Variants in ELOVL7 observed in about 807,000 individuals in gnomAD.
The protein encoded by ELOVL7 is very long chain fatty acid elongase 7.
ELOVL7 carries 27 observed loss-of-function variants against 35.7 expected under a neutral mutation model. The observed-to-expected ratio is 0.76, with a 90% CI of 0.56 to 1.04. The LOEUF is 1.04. Ranked by LOEUF, ELOVL7 falls within the 50% of genes least tolerant of loss-of-function variation. The pLI is 0.00. For synonymous variants in ELOVL7, 113 were observed against 114.6 expected, an observed-to-expected ratio of 0.99 and a Z score of 0.09; for missense variants, 327 against 340.8, an observed-to-expected ratio of 0.96 and a Z score of 0.32.
In ELOVL7 at chr5:60,843,626, G is replaced by A. The variant is rs1378005144; in HGVS notation, c.-86+534C>T. 3 of 152,408 alleles carry A rather than the reference G, an allele frequency of 2.0e-5. No individual in the cohort carries two copies. In the East Asian group the frequency reaches 5.8e-4, roughly 29 times the overall value. 9.4% of individuals were successfully genotyped at this position (152,408 alleles called of 1,614,324 possible). ...GGGGAAGGAAGGAAACAGAAAGAAA[G>A]GGGCTCCGGAATTTGGGGGGGTGGC... On this transcript the variant is annotated intron_variant, in intron 1 of 8. Coordinates refer to ENST00000508821, the MANE Select transcript of ELOVL7 (RefSeq NM_024930.3).
chr5:60,833,956 AC>A (rs899195893), intron 1 of ELOVL7, among the ~76,000 whole-genome samples: 14 of 152,168 alleles, frequency 9.2e-5, no homozygotes, highest in Admixed American at 6.5e-4. Context: ...GAATAACTAT[AC>A]TTTTATAATT....
At chr5:60,785,446 T>C (rs1743518747) in intron 3 of ELOVL7, among the ~76,000 whole-genome samples, 1 of 152,196 alleles carries the variant, frequency 6.6e-6, no homozygotes, top group African/African-American at 2.4e-5. Flanking sequence ...AGCTCTTGAG[T>C]TAGCATATTG....
At chr5:60,760,494 T>C (rs966418964) in intron 7 of ELOVL7, among the ~76,000 whole-genome samples, 39 of 152,342 alleles carry the variant, frequency 2.6e-4, no homozygotes, top group African/African-American at 8.4e-4. Context: ...TTGTTTGTTT[T>C]CTTCTTGTAA....
At chr5:60,767,780 A>C in intron 5 of ELOVL7, 43 bp downstream of exon 5, 1 of 1,475,566 alleles carries the variant, frequency 6.8e-7, no homozygotes. Flanking sequence ...ACAAAATTTT[A>C]ACATTGATTT....
chr5:60,755,452 T>A (rs1422136548), intron 8 of ELOVL7, among the ~76,000 whole-genome samples: 1 of 151,734 alleles, frequency 6.6e-6, no homozygotes, highest in Non-Finnish European at 1.5e-5. Context: ...AGGTTAGGAG[T>A]TCGAGACCAG....
chr5:60,804,871 G>A (rs912176743), intron 1 of ELOVL7, among the ~76,000 whole-genome samples: 16 of 152,170 alleles, frequency 1.1e-4, no homozygotes, highest in Admixed American at 2.0e-4. Flanking sequence ...ATCTATTATT[G>A]TGCAAGAAAG....
intron 3 of ELOVL7, chr5:60,784,304 C>CA (rs1256480358): frequency 8.8e-6 from 4 of 456,508 alleles, no homozygotes; most frequent in African/African-American, 1.9e-5. Flanking sequence ...CATCTTCTTG[C>CA]AAAAAAAGGA....
chr5:60,761,206 A>G (rs1741889489), intron 7 of ELOVL7, among the ~76,000 whole-genome samples: 1 of 152,130 alleles, frequency 6.6e-6, no homozygotes, highest in South Asian at 2.1e-4. Flanking sequence ...ACTCCTTTGG[A>G]AAAAACAAAG....
intron 4 of ELOVL7, among the ~76,000 whole-genome samples, chr5:60,770,252 A>T (rs1338041374): frequency 3.9e-5 from 6 of 152,184 alleles, no homozygotes; most frequent in Admixed American, 3.9e-4. Flanking sequence ...CGATGACTGG[A>T]TTCTTTCCAA....
At chr5:60,756,586 ACT>A (rs745571088) in intron 8 of ELOVL7, among the ~76,000 whole-genome samples, 4 of 152,104 alleles carry the variant, frequency 2.6e-5, no homozygotes, top group Non-Finnish European at 5.9e-5. Context: ...ACAACAAATA[ACT>A]CTGCAAGGAA....
intron 7 of ELOVL7, among the ~76,000 whole-genome samples, chr5:60,761,240 A>G (rs1030102783): frequency 1.3e-5 from 2 of 152,170 alleles, no homozygotes; most frequent in African/African-American, 2.4e-5. Flanking sequence ...AATTATCACA[A>G]TTCTCCATAT....
rs142007956 is a variant in ELOVL7 at position 60,789,066 on chromosome 5, A to G, written c.-34-1635T>C. ...CTCCAAATAAAGCAAATATTTAAGT[A>G]AGAACAACAGAACCATGAAATCACT... On this transcript the variant is annotated intron_variant, in intron 2 of 8. Coordinates refer to ENST00000508821, the MANE Select transcript of ELOVL7 (RefSeq NM_024930.3). 7.1e-3 allele frequency among the ~76,000 whole-genome samples: 1,077 copies of G among 152,334 alleles called. 2 individuals carry two copies. Among genetic ancestry groups the G allele is most frequent in the Non-Finnish European group, 0.013 (877 of 68,030 alleles).
In ELOVL7 at chr5:60,801,444, G is replaced by A. The variant is rs56789208; in HGVS notation, c.-85-2214C>T. On this transcript the variant is annotated intron_variant, in intron 1 of 8. Coordinates refer to ENST00000508821, the MANE Select transcript of ELOVL7 (RefSeq NM_024930.3). ...GTACCAGGTGTGGTGGCTCACATCC[G>A]TAATCCCAGCACTTTGGGAGGCCAA... 1.3e-3 allele frequency among the ~76,000 whole-genome samples: 191 copies of A among 152,286 alleles called. 3 individuals are homozygous for A. In the East Asian group the frequency reaches 0.034, roughly 27 times the overall value.
At chr5:60,841,725 C>G (rs941488138) in intron 1 of ELOVL7, among the ~76,000 whole-genome samples, 1 of 152,110 alleles carries the variant, frequency 6.6e-6, no homozygotes, top group Non-Finnish European at 1.5e-5. Context: ...GTATGTGCTA[C>G]GTTTTTCAAT....
intron 3 of ELOVL7, among the ~76,000 whole-genome samples, 163 bp downstream of exon 3, chr5:60,787,171 T>C (rs1054335023): frequency 2.6e-5 from 4 of 152,194 alleles, no homozygotes; most frequent in East Asian, 1.9e-4. Context: ...TCCATCTTTG[T>C]ACATATCTGT....
At chr5:60,806,673 T>G (rs1254426853) in intron 1 of ELOVL7, among the ~76,000 whole-genome samples, 1 of 152,008 alleles carries the variant, frequency 6.6e-6, no homozygotes, top group Non-Finnish European at 1.5e-5. Flanking sequence ...TAAAATCAAG[T>G]GTTGGTAGGG....
intron 1 of ELOVL7, among the ~76,000 whole-genome samples, chr5:60,837,657 G>A (rs1014960839): frequency 1.3e-5 from 2 of 152,046 alleles, no homozygotes; most frequent in African/African-American, 2.4e-5. Context: ...GATATCTAAT[G>A]TAGGCTGGGC....
intron 5 of ELOVL7, 60 bp from the exon 6 acceptor site, chr5:60,766,690 T>C: frequency 1.3e-6 from 2 of 1,482,464 alleles, no homozygotes; most frequent in Non-Finnish European, 1.9e-6. Context: ...CTTATATTTT[T>C]AAATTTTGGT....
intron 1 of ELOVL7, among the ~76,000 whole-genome samples, chr5:60,800,467 G>A (rs533982460): frequency 1.3e-5 from 2 of 152,306 alleles, no homozygotes; most frequent in South Asian, 4.1e-4. Context: ...ATTCAGTTTA[G>A]AAGAAACCTC....
Sources: gnomAD v4.1 joint callset for allele counts (sites outside exome capture counted in the v4.1 genomes callset) on GRCh38, gnomAD v4.1.1 for gene constraint, MANE v1.5 for transcripts, NCBI Gene and HGNC (gene_info 2026-07-23, HGNC 2026-07-21) for gene names.